The following CELF4 variants were observed in gnomAD, a reference collection of about 807,000 sequenced individuals.
CELF4 encodes CUGBP Elav-like family member 4.
CELF4 carries 18 observed loss-of-function variants against 59.9 expected under a neutral mutation model. That is an observed-to-expected ratio of 0.30 (90% confidence interval 0.21 to 0.45). CELF4 has a LOEUF of 0.45. CELF4 is among the 20% of genes least tolerant of loss of function. CELF4 has a pLI of 1.00. For missense variants in CELF4, 456 were observed against 689.0 expected (o/e 0.66, Z 3.79); for synonymous variants, 261 against 267.1 (o/e 0.98, Z 0.22).
At chr18:37,438,525 A>G (rs370139984) in intron 2 of CELF4, among the ~76,000 whole-genome samples, 83 of 152,178 alleles carry the variant, frequency 5.5e-4, no homozygotes, top group African/African-American at 1.6e-3. Flanking sequence ...AATGTCGTGC[A>G]CCCTACCATG....
At position 37,464,306 on chromosome 18, in the gene CELF4, C is replaced by T. The variant is rs924054695; in HGVS notation, c.369+21219G>A. ...GGTCTGGGCTGAGTGAAATGTAGAT[C>T]GCATCTGTACAGCCAAGCTCCACAC... is the stretch of plus-strand genomic sequence containing the variant. On this transcript the variant is annotated intron_variant, in intron 2 of 12. Coordinates refer to ENST00000420428, the MANE Select transcript of CELF4 (RefSeq NM_020180.4). 3.9e-5 allele frequency among the ~76,000 whole-genome samples: 6 copies of T among 151,984 alleles called. No homozygotes were observed. The South Asian group carries it at 6.2e-4, about 16-fold the overall frequency.
At chr18:37,547,407 C>T (rs2099981794) in intron 1 of CELF4, among the ~76,000 whole-genome samples, 1 of 152,198 alleles carries the variant, frequency 6.6e-6, no homozygotes, top group African/African-American at 2.4e-5. Flanking sequence ...CTCCTTCCTT[C>T]CCAGTTGCCA....
chr18:37,554,466 G>GC (rs1479089386), intron 1 of CELF4, among the ~76,000 whole-genome samples: 3 of 152,282 alleles, frequency 2.0e-5, no homozygotes, highest in Non-Finnish European at 4.4e-5. Flanking sequence ...ACCTCAAGCA[G>GC]CCCCATCTCC....
chr18:37,351,251 G>A (rs928381481), intron 2 of CELF4, among the ~76,000 whole-genome samples: 3 of 152,166 alleles, frequency 2.0e-5, no homozygotes, highest in African/African-American at 7.2e-5. Flanking sequence ...TGAAGGCATC[G>A]TGTTGATTAA....
At chr18:37,338,638 G>T (rs574101835) in intron 2 of CELF4, among the ~76,000 whole-genome samples, 1 of 152,164 alleles carries the variant, frequency 6.6e-6, no homozygotes, top group South Asian at 2.1e-4. Context: ...ACCAGGCCAC[G>T]TGATGTCATG....
chr18:37,523,096 G>T (rs1331608971), intron 1 of CELF4, among the ~76,000 whole-genome samples: 2 of 152,142 alleles, frequency 1.3e-5, no homozygotes, highest in African/African-American at 4.8e-5. Flanking sequence ...CCCCCTTTCT[G>T]TTTCCCTGAG....
At chr18:37,281,138 C>A (rs938073691) in intron 3 of CELF4, among the ~76,000 whole-genome samples, 10 of 152,230 alleles carry the variant, frequency 6.6e-5, no homozygotes, top group African/African-American at 2.4e-4. Context: ...AGGATTAGCA[C>A]AAACCCCTAA....
At chr18:37,482,538 C>T (rs1304977486) in intron 2 of CELF4, among the ~76,000 whole-genome samples, 1 of 152,150 alleles carries the variant, frequency 6.6e-6, no homozygotes, top group Non-Finnish European at 1.5e-5. Context: ...CATCAGAGGG[C>T]CCTGCTCAGG....
At chr18:37,489,870 A>G (rs1267577570) in intron 1 of CELF4, among the ~76,000 whole-genome samples, 1 of 152,170 alleles carries the variant, frequency 6.6e-6, no homozygotes, top group East Asian at 1.9e-4. Flanking sequence ...GGATGTGGCC[A>G]GTGGCACAGA....
chr18:37,505,452 G>A (rs2099936709), intron 1 of CELF4, among the ~76,000 whole-genome samples: 1 of 152,204 alleles, frequency 6.6e-6, no homozygotes, highest in African/African-American at 2.4e-5. Flanking sequence ...ACATGGGAAT[G>A]GGCATAACTA....
At chr18:37,353,207 T>C (rs950252386) in intron 2 of CELF4, among the ~76,000 whole-genome samples, 94 of 84,096 alleles carry the variant, frequency 1.1e-3, no homozygotes, top group Non-Finnish European at 1.9e-3. Flanking sequence ...GGCAACAGAG[T>C]GAGACTCCGT....
chr18:37,259,206 C>T lies in CELF4; in HGVS notation c.1308G>A (p.Glu436=), dbSNP rs762693626. The T allele has an allele frequency of 5.0e-6, 8 of 1,612,344 alleles. No individual in the cohort carries two copies. The Admixed American group carries it at 8.4e-5, about 17-fold the overall frequency. The stretch of plus-strand genomic sequence containing the variant: ...CGAAAGGGAGGAACATCTGCATCAG[C>T]TCAGCGTCCCCAAACTCCTGGGGCA... ...YHLPQEFGDA[E]LMQMFLPFGF... Residue 436 remains glutamate (E), a synonymous_variant, in exon 11 of 13, where the codon GAG becomes GAA. Transcript: ENST00000420428.
At chr18:37,393,946 C>T (rs2099202975) in intron 2 of CELF4, among the ~76,000 whole-genome samples, 1 of 151,336 alleles carries the variant, frequency 6.6e-6, no homozygotes, top group Non-Finnish European at 1.5e-5. Context: ...ACCCCACCTC[C>T]TCCGAGCGGA....
intron 1 of CELF4, among the ~76,000 whole-genome samples, chr18:37,553,196 T>C (rs1300422360): frequency 1.3e-5 from 2 of 152,200 alleles, no homozygotes; most frequent in Admixed American, 6.5e-5. Flanking sequence ...AGATTTTTTT[T>C]TTAAAATTGG....
At chr18:37,295,158 C>T (rs372290386) in intron 3 of CELF4, among the ~76,000 whole-genome samples, 136 of 152,348 alleles carry the variant, frequency 8.9e-4, no homozygotes, top group African/African-American at 3.0e-3. Flanking sequence ...GCACCAGTCC[C>T]TGGGCCTCTC....
At chr18:37,399,934 G>A (rs1468445962) in intron 2 of CELF4, among the ~76,000 whole-genome samples, 1 of 152,148 alleles carries the variant, frequency 6.6e-6, no homozygotes, top group Non-Finnish European at 1.5e-5. Flanking sequence ...ACTGATTTAG[G>A]TCCACTGGGA....
At chr18:37,451,018 T>G (rs1217321336) in intron 2 of CELF4, among the ~76,000 whole-genome samples, 3 of 152,090 alleles carry the variant, frequency 2.0e-5, no homozygotes, top group East Asian at 3.9e-4. Flanking sequence ...GCAGCCCACA[T>G]GTTGCAGTTT....
At chr18:37,526,129 G>A (rs1268840097) in intron 1 of CELF4, among the ~76,000 whole-genome samples, 1 of 152,188 alleles carries the variant, frequency 6.6e-6, no homozygotes, top group Non-Finnish European at 1.5e-5. Context: ...AGGAACAGCA[G>A]CAAAGAAATG....
chr18:37,329,494 T>C (rs541059406), intron 2 of CELF4, among the ~76,000 whole-genome samples: 1 of 152,336 alleles, frequency 6.6e-6, no homozygotes, highest in South Asian at 2.1e-4. Flanking sequence ...ACGTGCTAGG[T>C]ATCTATGCAA....
Sources: gnomAD v4.1 joint callset for allele counts (sites outside exome capture counted in the v4.1 genomes callset) on GRCh38, gnomAD v4.1.1 for gene constraint, MANE v1.5 for transcripts, NCBI Gene and HGNC (gene_info 2026-07-23, HGNC 2026-07-21) for gene names.